Variants in WDR49 observed in about 807,000 individuals in gnomAD.
WDR49 encodes WD repeat domain 49, also known as cilia- and flagella-associated protein 337.
WDR49 carries 107 observed loss-of-function variants against 119.5 expected under a neutral mutation model. That is an observed-to-expected ratio of 0.90 (90% CI 0.77 to 1.05). The LOEUF is 1.05. Ranked by LOEUF, WDR49 falls within the 50% of genes least tolerant of loss-of-function variation. The probability of loss-of-function intolerance (pLI) is 0.00; values close to 1 mark genes in which losing one functional copy is unlikely to be tolerated. For synonymous variants in WDR49, 425 were observed against 418.8 expected, an observed-to-expected ratio of 1.01 and a Z score of -0.18; for missense variants, 1,240 against 1,220.5, an observed-to-expected ratio of 1.02 and a Z score of -0.24.
At chr3:167,640,492 G>A (rs563481430) in intron 2 of WDR49, among the ~76,000 whole-genome samples, 1 of 151,964 alleles carries the variant, frequency 6.6e-6, no homozygotes, top group African/African-American at 2.4e-5. Context: ...CAGTTCCACT[G>A]AAGCTGCTCG....
intron 10 of WDR49, among the ~76,000 whole-genome samples, chr3:167,537,414 G>C (rs1418570024): frequency 6.6e-6 from 1 of 151,748 alleles, no homozygotes; most frequent in East Asian, 1.9e-4. Flanking sequence ...AGTCAATAAG[G>C]GTTTTTTTTC....
intron 2 of WDR49, among the ~76,000 whole-genome samples, chr3:167,649,451 T>C (rs1718272871): frequency 6.6e-6 from 1 of 152,212 alleles, no homozygotes; most frequent in South Asian, 2.1e-4. Flanking sequence ...GAATGCTTTC[T>C]AAAATCCCCA....
intron 2 of WDR49, among the ~76,000 whole-genome samples, chr3:167,635,813 A>G (rs1717590329): frequency 6.6e-6 from 1 of 151,682 alleles, no homozygotes; most frequent in Admixed American, 6.6e-5. Flanking sequence ...CCTTCCACCC[A>G]TTGATCTACT....
At chr3:167,528,977 G>A in intron 14 of WDR49, 75 bp downstream of exon 14, 1 of 1,265,138 alleles carries the variant, frequency 7.9e-7, no homozygotes. Flanking sequence ...GACAGACAAG[G>A]CTTGATTCAT....
rs112621332 is a variant in WDR49 at position 167,523,467 on chromosome 3, C to T, written c.2605-983G>A. ...CATAGGTATACATGTGCCATGGTGG[C>T]TTGCTGCACCTATCAACCCATCATC... On this transcript the variant is annotated intron_variant, in intron 15 of 18. Coordinates refer to ENST00000682715, the MANE Select transcript of WDR49 (RefSeq NM_001366157.1). Among the ~76,000 whole-genome samples the T allele has an allele frequency of 7.8e-3, 1,181 of 151,366 alleles. 9 individuals are homozygous for T. The highest frequency in any genetic ancestry group is 0.031 in the East Asian group (158 of 5,132).
chr3:167,635,808 C>T (rs944358084), intron 2 of WDR49, among the ~76,000 whole-genome samples: 5 of 151,612 alleles, frequency 3.3e-5, no homozygotes, highest in African/African-American at 1.2e-4. Flanking sequence ...TCCATCCTTC[C>T]ACCCATTGAT....
chr3:167,616,522 A>G (rs1716602156), intron 5 of WDR49, among the ~76,000 whole-genome samples: 1 of 152,116 alleles, frequency 6.6e-6, no homozygotes, highest in Non-Finnish European at 1.5e-5. Flanking sequence ...GAGCCTAGCA[A>G]CCTCCAGAGT....
At chr3:167,546,871 T>C (rs1443605549) in intron 10 of WDR49, among the ~76,000 whole-genome samples, 1 of 151,852 alleles carries the variant, frequency 6.6e-6, no homozygotes, top group East Asian at 1.9e-4. Flanking sequence ...TCATGTCTTG[T>C]TAATGCCTGT....
intron 2 of WDR49, among the ~76,000 whole-genome samples, chr3:167,641,666 A>C (rs1717886948): frequency 2.0e-5 from 3 of 151,892 alleles, no homozygotes; most frequent in African/African-American, 7.2e-5. Context: ...ATAACAATTC[A>C]TTTTCCCTCA....
At chr3:167,597,630 A>C (rs1397771206) in intron 7 of WDR49, among the ~76,000 whole-genome samples, 1 of 152,200 alleles carries the variant, frequency 6.6e-6, no homozygotes, top group Non-Finnish European at 1.5e-5. Flanking sequence ...GGTACCCTGC[A>C]GAGCCACAGG....
At position 167,532,241 on chromosome 3, in the gene WDR49, C is replaced by A. The variant is rs187022841; in HGVS notation, c.2053+638G>T. ...ATTCAGTTGAGACAACAGAACCTCA[C>A]TGGGCCATGAAGAATGACATTTTCA... On this transcript the variant is annotated intron_variant, in intron 12 of 18. Transcript: ENST00000682715. 1.3e-4 allele frequency among the ~76,000 whole-genome samples: 20 copies of A among 152,234 alleles called. No individual in the cohort carries two copies. In the East Asian group the frequency reaches 3.9e-3, roughly 29 times the overall value.
chr3:167,635,589 A>G (rs1717576485), intron 2 of WDR49, among the ~76,000 whole-genome samples: 1 of 151,766 alleles, frequency 6.6e-6, no homozygotes, highest in African/African-American at 2.4e-5. Context: ...AACTTGACCA[A>G]GACAAGATAA....
At chr3:167,520,956 G>C (rs1303886303) in intron 16 of WDR49, among the ~76,000 whole-genome samples, 1 of 151,956 alleles carries the variant, frequency 6.6e-6, no homozygotes, top group Non-Finnish European at 1.5e-5. Flanking sequence ...TTCATTTCTA[G>C]CCTCTATTCA....
At chr3:167,499,498 T>G (rs894210771) in intron 18 of WDR49, among the ~76,000 whole-genome samples, 6 of 152,204 alleles carry the variant, frequency 3.9e-5, no homozygotes, top group Non-Finnish European at 8.8e-5. Context: ...TCACTGAGAA[T>G]CAGGTTGTGT....
At chr3:167,616,324 T>G (rs1307436252) in intron 5 of WDR49, among the ~76,000 whole-genome samples, 1 of 152,244 alleles carries the variant, frequency 6.6e-6, no homozygotes, top group East Asian at 1.9e-4. Flanking sequence ...GGACTGATTT[T>G]AATCTCCCAC....
In WDR49 at chr3:167,527,849, A is replaced by C; in HGVS notation, c.2575T>G (p.Cys859Gly). ...ADCSICVTGV[C>G]NAPVWIFGQA... ...CCAAAGATCCAAACAGGAGCATTGC[A>C]GACACCAGTCACACAAATACTGCAG... Residue 859 changes from cysteine (C) to glycine (G), a missense_variant, in exon 15 of 19, where the codon TGC becomes GGC. Coordinates refer to ENST00000682715, the MANE Select transcript of WDR49 (RefSeq NM_001366157.1). 6.2e-7 allele frequency: 1 copy of C among 1,613,008 alleles called. No homozygotes were observed. Among genetic ancestry groups the C allele is most frequent in the Non-Finnish European group, 8.5e-7 (1 of 1,179,368 alleles).
chr3:167,639,280 T>C (rs1717766604), intron 2 of WDR49, among the ~76,000 whole-genome samples: 1 of 151,746 alleles, frequency 6.6e-6, no homozygotes, highest in Admixed American at 6.6e-5. Context: ...CATAGGATCA[T>C]AGATTAATAC....
At chr3:167,495,098 A>C (rs951658991) in intron 18 of WDR49, among the ~76,000 whole-genome samples, 2 of 152,194 alleles carry the variant, frequency 1.3e-5, no homozygotes, top group Admixed American at 6.6e-5. Context: ...CTGTCATACA[A>C]TAAAAAATTA....
chr3:167,564,265 A>C (rs1389287143), intron 8 of WDR49, among the ~76,000 whole-genome samples: 3 of 152,230 alleles, frequency 2.0e-5, no homozygotes, highest in African/African-American at 4.8e-5. Flanking sequence ...TTTGCAGGAA[A>C]ACAATGTGTT....
Sources: gnomAD v4.1 joint callset for allele counts (sites outside exome capture counted in the v4.1 genomes callset) on GRCh38, gnomAD v4.1.1 for gene constraint, MANE v1.5 for transcripts, NCBI Gene and HGNC (gene_info 2026-07-23, HGNC 2026-07-21) for gene names.